IRF2: variants seen among roughly 807,000 people sequenced by gnomAD.
IRF2 encodes the protein interferon regulatory factor 2.
A neutral mutation model predicts 40.6 loss-of-function variants in IRF2; 15 were observed. The ratio of observed to expected loss-of-function variants is 0.37; its 90% CI spans 0.25 to 0.57. IRF2 has a LOEUF of 0.57. IRF2 is among the 20% of genes least tolerant of loss of function. The probability of loss-of-function intolerance (pLI) is 0.77; values close to 1 mark genes in which losing one functional copy is unlikely to be tolerated. For missense variants in IRF2, 317 were observed against 455.7 expected, an observed-to-expected ratio of 0.70 and a Z score of 2.77; for synonymous variants, 151 against 165.5, an observed-to-expected ratio of 0.91 and a Z score of 0.67.
intron 2 of IRF2, among the ~76,000 whole-genome samples, 159 bp from the exon 3 acceptor site, chr4:184,419,727 TC>T (rs1242269789): frequency 1.3e-5 from 2 of 152,042 alleles, no homozygotes; most frequent in African/African-American, 4.8e-5. Context: ...CAAACCCACT[TC>T]CCCCGCTGGA....
chr4:184,448,326 T>C lies in IRF2; in HGVS notation c.-6-19256A>G, dbSNP rs1738590030. Among the ~76,000 whole-genome samples the C allele has an allele frequency of 6.6e-6, 1 of 152,186 alleles. No individual in the cohort carries two copies. The highest frequency in any genetic ancestry group is 1.5e-5 in the Non-Finnish European group (1 of 68,036). ...CACCAGGATGGTATTAATAAGCACA[T>C]GCATCAATCACTTTATCTATCCATC... On this transcript the variant is annotated intron_variant, in intron 1 of 8. Coordinates refer to ENST00000393593, the MANE Select transcript of IRF2 (RefSeq NM_002199.4). This position sits in a 1 kb window ranked among gnomAD's most constrained non-coding sequence, Gnocchi z 4.3.
chr4:184,421,842 A>G (rs1462758281), intron 2 of IRF2, among the ~76,000 whole-genome samples: 1 of 152,200 alleles, frequency 6.6e-6, no homozygotes, highest in African/African-American at 2.4e-5. Context: ...TGAAATGTGC[A>G]ACAGGCCTGA....
intron 1 of IRF2, among the ~76,000 whole-genome samples, chr4:184,473,259 C>T (rs1739585745): frequency 6.6e-6 from 1 of 150,390 alleles, no homozygotes; most frequent in Non-Finnish European, 1.5e-5. Context: ...CCGCCGCGGC[C>T]CGCGCCCCGG....
At chr4:184,432,402 T>C (rs973326965) in intron 1 of IRF2, among the ~76,000 whole-genome samples, 1 of 152,244 alleles carries the variant, frequency 6.6e-6, no homozygotes, top group Non-Finnish European at 1.5e-5. Flanking sequence ...TGTGCTTTTT[T>C]TGGTGACTTT....
Position 184,448,408 on chromosome 4 carries a change from A to G in IRF2, c.-6-19338T>C, listed in dbSNP as rs1398597866. On this transcript the variant is annotated intron_variant, in intron 1 of 8. Transcript: ENST00000393593. The surrounding 1 kb of genome is among the most constrained non-coding windows in gnomAD (Gnocchi z 4.3). ...GCTGAACAAGGAGGCTCTAAGCTTC[A>G]TTTCCTGGGGGAGATGAGGAGTGAT... Among the ~76,000 whole-genome samples, 1 of 152,204 alleles carries G rather than the reference A, an allele frequency of 6.6e-6. No individual in the cohort carries two copies. Among genetic ancestry groups the G allele is most frequent in the East Asian group, 1.9e-4 (1 of 5,188 alleles).
chr4:184,441,955 C>A (rs1219172982), intron 1 of IRF2, among the ~76,000 whole-genome samples: 1 of 152,118 alleles, frequency 6.6e-6, no homozygotes, highest in Non-Finnish European at 1.5e-5. Flanking sequence ...CTCGCACAGG[C>A]AGGCCAAACT....
At chr4:184,446,573 G>C (rs1051221080) in intron 1 of IRF2, among the ~76,000 whole-genome samples, 1 of 152,198 alleles carries the variant, frequency 6.6e-6, no homozygotes, top group African/African-American at 2.4e-5. Context: ...TTGACTACTG[G>C]AGAAGGAAGT....
intron 5 of IRF2, among the ~76,000 whole-genome samples, chr4:184,416,367 G>A (rs1341988699): frequency 7.3e-6 from 1 of 137,362 alleles, no homozygotes; most frequent in Non-Finnish European, 1.6e-5. Context: ...TGTGAGAAAC[G>A]ATATGGCTAA....
intron 1 of IRF2, among the ~76,000 whole-genome samples, chr4:184,453,659 G>T (rs1738809829): frequency 6.6e-6 from 1 of 152,214 alleles, no homozygotes; most frequent in African/African-American, 2.4e-5. Context: ...AGACGTAACA[G>T]TATAGAGAAC....
intron 2 of IRF2, 142 bp from the exon 3 acceptor site, chr4:184,419,710 T>A (rs543709965): frequency 1.6e-6 from 1 of 627,390 alleles, no homozygotes; most frequent in African/African-American, 1.8e-5. Context: ...GAAAATCTAC[T>A]GTAAACCAAA....
chr4:184,399,019 G>C lies in IRF2; in HGVS notation c.590C>G (p.Pro197Arg). Residue 197 changes from proline to arginine, a missense_variant, in exon 7 of 9, where the codon CCA becomes CGA. Coordinates refer to ENST00000393593, the MANE Select transcript of IRF2 (RefSeq NM_002199.4). Reference sequence around the variant, plus strand: ...CACCTCTACAACTTGGCAAATGTCTGGCGGATTGGTGACAATCTCTTGATT... The same window carrying C: ...CACCTCTACAACTTGGCAAATGTCTCGCGGATTGGTGACAATCTCTTGATT... ...IENQEIVTNP[P>R]DICQVVEVTT... 1 of 1,613,452 alleles carries C rather than the reference G, an allele frequency of 6.2e-7. No individual in the cohort carries two copies. Among genetic ancestry groups the C allele is most frequent in the Non-Finnish European group, 8.5e-7 (1 of 1,179,764 alleles).
chr4:184,438,186 G>T (rs550331505), intron 1 of IRF2, among the ~76,000 whole-genome samples: 1 of 152,216 alleles, frequency 6.6e-6, no homozygotes, highest in South Asian at 2.1e-4. Flanking sequence ...CCATTCTACA[G>T]ATGAGGAAAT....
At chr4:184,456,339 G>C (rs894485174) in intron 1 of IRF2, among the ~76,000 whole-genome samples, 85 of 152,312 alleles carry the variant, frequency 5.6e-4, no homozygotes, top group African/African-American at 2.0e-3. Flanking sequence ...TGGAAGCCAA[G>C]GGATCCTCAG....
Position 184,408,168 on chromosome 4 carries a change from C to A in IRF2, c.519G>T (p.Val173=). The A allele has an allele frequency of 6.3e-7, 1 of 1,590,004 alleles. No homozygotes were observed. Among genetic ancestry groups the A allele is most frequent in the South Asian group, 1.1e-5 (1 of 90,460 alleles). ...GTCAAAACAGTTTACCTATGATGTTCACCGTACTATCCACTTCATTTTTTA... is the reference window on the plus strand; with the variant it reads ...GTCAAAACAGTTTACCTATGATGTTAACCGTACTATCCACTTCATTTTTTA... ...STIKNEVDST[V]NIIVVGQSHL... is the part of the protein sequence containing the mutation. The change falls in exon 6 of 9, where the codon GTG becomes GTT. Residue 173 remains valine (V), a synonymous_variant. Coordinates refer to ENST00000393593, the MANE Select transcript of IRF2 (RefSeq NM_002199.4). This position sits in a 1 kb window ranked among gnomAD's most constrained non-coding sequence, Gnocchi z 4.9.
intron 1 of IRF2, among the ~76,000 whole-genome samples, chr4:184,451,401 C>T (rs1054463610): frequency 2.0e-5 from 3 of 152,168 alleles, no homozygotes; most frequent in Non-Finnish European, 4.4e-5. Flanking sequence ...AATGACTATT[C>T]ACTGGGCACC....
At chr4:184,433,376 G>A (rs577402112) in intron 1 of IRF2, among the ~76,000 whole-genome samples, 9 of 152,202 alleles carry the variant, frequency 5.9e-5, no homozygotes, top group South Asian at 2.1e-4. Flanking sequence ...TGCTCCTGCC[G>A]TGTGGTCATT....
At chr4:184,399,461 CTGCTCT>C (rs1736591233) in intron 6 of IRF2, among the ~76,000 whole-genome samples, 1 of 152,230 alleles carries the variant, frequency 6.6e-6, no homozygotes, top group Admixed American at 6.5e-5. Context: ...TTTCTGCTCC[CTGCTCT>C]TGCTCCAAAA....
chr4:184,392,119 C>T (rs1159963470), intron 7 of IRF2, among the ~76,000 whole-genome samples: 1 of 152,150 alleles, frequency 6.6e-6, no homozygotes, highest in South Asian at 2.1e-4. Context: ...CAATGGTGTG[C>T]GATTATTCCA....
At chr4:184,399,213 G>A in intron 6 of IRF2, 134 bp from the exon 7 acceptor site, 3 of 880,860 alleles carry the variant, frequency 3.4e-6, no homozygotes. Flanking sequence ...CCATGGGGCT[G>A]AAGAACACGC....
Sources: gnomAD v4.1 joint callset for allele counts (sites outside exome capture counted in the v4.1 genomes callset) on GRCh38, gnomAD v4.1.1 for gene constraint, Gnocchi (gnomAD v3.1) non-coding constraint, MANE v1.5 for transcripts, NCBI Gene and HGNC (gene_info 2026-07-23, HGNC 2026-07-21) for gene names.